SLC14A2: variants seen among roughly 807,000 people sequenced by gnomAD.
The protein encoded by SLC14A2 is urea transporter 2.
SLC14A2 carries 91 observed loss-of-function variants against 104.6 expected under a neutral mutation model. That is an observed-to-expected ratio of 0.87 (90% CI 0.73 to 1.04). The LOEUF (loss-of-function observed/expected upper bound fraction) is 1.04, where lower values mean the gene tolerates loss of function less well. SLC14A2 is among the 50% of genes least tolerant of loss of function. The probability of loss-of-function intolerance (pLI) is 0.00; values close to 1 mark genes in which losing one functional copy is unlikely to be tolerated. For missense variants in SLC14A2, 1,189 were observed against 1,156.0 expected, an observed-to-expected ratio of 1.03 and a Z score of -0.41; for synonymous variants, 476 against 466.4, an observed-to-expected ratio of 1.02 and a Z score of -0.27.
chr18:45,641,112 A>G, intron 7 of SLC14A2, 97 bp from the exon 8 acceptor site: 13 of 1,342,970 alleles, frequency 9.7e-6, no homozygotes, highest in Non-Finnish European at 1.2e-5. Flanking sequence ...GGGGTGAACA[A>G]CAGCATGGAG....
the SLC14A2 span, among the ~76,000 whole-genome samples, chr18:45,187,451 G>A: frequency 6.6e-6 from 1 of 152,138 alleles, no homozygotes; most frequent in African/African-American, 2.4e-5. Context: ...GAACAATAAA[G>A]GTTTTAATCT....
At position 45,641,089 on chromosome 18, in the gene SLC14A2, G is replaced by C. The variant is rs933635188; in HGVS notation, c.992-120G>C. 3.1e-6 allele frequency: 3 copies of C among 977,684 alleles called. No individual in the cohort carries two copies. The African/African-American group carries it at 4.8e-5, about 16-fold the overall frequency. 60.6% of individuals were successfully genotyped at this position (977,684 alleles called of 1,614,324 possible). A position where few individuals can be genotyped will look rare whatever the true frequency, so the allele number is the denominator to read the frequency against. On this transcript the variant is annotated intron_variant, in intron 7 of 19. Coordinates refer to ENST00000255226, the MANE Select transcript of SLC14A2 (RefSeq NM_007163.4). ...TTTGTAGAGGCTCTTTTGATGGGCA[G>C]GTTTGGAGATGTGGGGTGAACAACA...
At chr18:45,194,643 A>ATT in the SLC14A2 span, among the ~76,000 whole-genome samples, 64,021 of 108,728 alleles carry the variant, frequency 0.59, 20,417 homozygotes, top group East Asian at 0.78. Context: ...TTGGTCTGTA[A>ATT]TTTTTTTTTT....
chr18:45,299,953 G>A (rs1232072129), intron 1 of SLC14A2, among the ~76,000 whole-genome samples: 1 of 152,084 alleles, frequency 6.6e-6, no homozygotes, highest in African/African-American at 2.4e-5. Flanking sequence ...CATGCAAGGG[G>A]GTGATATTTT....
At chr18:45,186,486 T>C in the SLC14A2 span, among the ~76,000 whole-genome samples, 14 of 152,216 alleles carry the variant, frequency 9.2e-5, no homozygotes, top group African/African-American at 9.6e-5. Flanking sequence ...ATAAAACTTA[T>C]AGAAGAAAAC....
chr18:45,637,218 T>C lies in SLC14A2; in HGVS notation c.843+36T>C, dbSNP rs760056889. 1.9e-6 allele frequency: 3 copies of C among 1,563,644 alleles called. No homozygotes were observed. The Admixed American group carries it at 5.1e-5, about 27-fold the overall frequency. The stretch of plus-strand genomic sequence containing the variant: ...CAGCGGTGATGAGTTGAGACCCCCA[T>C]ATTCCACTGCAGACCTTCTCGCCAA... On this transcript the variant is annotated intron_variant, in intron 6 of 19. Transcript: ENST00000255226.
chr18:45,277,683 A>T (rs1568131921), intron 1 of SLC14A2, among the ~76,000 whole-genome samples: 1 of 152,248 alleles, frequency 6.6e-6, no homozygotes. Flanking sequence ...TGTTGGGCTT[A>T]CAGGCATGAG....
In SLC14A2 at chr18:45,236,131, A is replaced by G. The variant is rs1469821544; in HGVS notation, c.-125+22940A>G. On this transcript the variant is annotated intron_variant, in intron 1 of 20. Transcript: ENST00000586448. ...TGTGTATATATACATATATGTGTGTATATATGTATATATACATATATGTGT... is the reference window on the plus strand; with the variant it reads ...TGTGTATATATACATATATGTGTGTGTATATGTATATATACATATATGTGT... 3.5e-5 allele frequency among the ~76,000 whole-genome samples: 2 copies of G among 57,866 alleles called. 1 individual carries two copies. Among genetic ancestry groups the G allele is most frequent in the African/African-American group, 2.0e-4 (2 of 10,216 alleles). The allele number at this position is 57,866 out of a possible 152,430, so 38.0% of individuals were successfully genotyped here.
chr18:45,648,539 C>A (rs9959557), intron 10 of SLC14A2, among the ~76,000 whole-genome samples: 3,336 of 152,212 alleles, frequency 0.022, 121 homozygotes, highest in African/African-American at 0.077. Context: ...CCAACTTAAC[C>A]AGTATTAATA....
chr18:45,297,665 G>GA (rs35451159), intron 1 of SLC14A2, among the ~76,000 whole-genome samples: 55,075 of 150,328 alleles, frequency 0.37, 10,598 homozygotes, highest in African/African-American at 0.52. Flanking sequence ...TGGCTCACTG[G>GA]AAAAAAAAAA....
intron 1 of SLC14A2, among the ~76,000 whole-genome samples, chr18:45,425,877 G>T (rs1287406583): frequency 6.6e-6 from 1 of 151,794 alleles, no homozygotes; most frequent in African/African-American, 2.4e-5. Flanking sequence ...TTTTTTTAAA[G>T]GGAGGGGGTG....
At chr18:45,227,943 A>T (rs1258083379) in intron 1 of SLC14A2, among the ~76,000 whole-genome samples, 3 of 152,194 alleles carry the variant, frequency 2.0e-5, no homozygotes, top group Non-Finnish European at 4.4e-5. Flanking sequence ...CAGGAAAAAA[A>T]GGTTCTAAAT....
At chr18:45,567,569 T>C (rs1213536624) in intron 2 of SLC14A2, among the ~76,000 whole-genome samples, 1 of 152,114 alleles carries the variant, frequency 6.6e-6, no homozygotes, top group Non-Finnish European at 1.5e-5. Context: ...GTTATTTTAA[T>C]CTATTTCTGA....
chr18:45,582,703 T>C (rs2044511322), intron 2 of SLC14A2, among the ~76,000 whole-genome samples: 2 of 152,152 alleles, frequency 1.3e-5, no homozygotes, highest in African/African-American at 4.8e-5. Flanking sequence ...CCACCACCCT[T>C]TACTGCAATG....
Position 45,480,137 on chromosome 18 carries a change from T to C in SLC14A2, c.-124-3096T>C, listed in dbSNP as rs759757172. 4.6e-5 allele frequency among the ~76,000 whole-genome samples: 7 copies of C among 152,212 alleles called. No individual in the cohort carries two copies. The South Asian group carries it at 6.2e-4, about 14-fold the overall frequency. On this transcript the variant is annotated intron_variant, in intron 1 of 20. Transcript: ENST00000586448. Reference sequence around the variant, plus strand: ...AAAAGTATGTCTCAGACTATTCTTATGCCTTCCACATGAAGATATAATAGG... The same window carrying C: ...AAAAGTATGTCTCAGACTATTCTTACGCCTTCCACATGAAGATATAATAGG...
intron 2 of SLC14A2, among the ~76,000 whole-genome samples, chr18:45,517,805 T>C (rs2043462919): frequency 1.3e-5 from 2 of 152,178 alleles, no homozygotes; most frequent in African/African-American, 2.4e-5. Context: ...TAATCTCTCT[T>C]TCCCTGGGAG....
chr18:45,545,886 TA>T (rs1191999475), intron 2 of SLC14A2, among the ~76,000 whole-genome samples: 7 of 152,272 alleles, frequency 4.6e-5, no homozygotes, highest in Admixed American at 3.9e-4. Flanking sequence ...TTATGTGTAA[TA>T]TTTTTTAAAC....
chr18:45,480,776 C>T (rs2087477093), intron 1 of SLC14A2, among the ~76,000 whole-genome samples: 1 of 152,166 alleles, frequency 6.6e-6, no homozygotes, highest in Non-Finnish European at 1.5e-5. Context: ...ATGTCTGGTG[C>T]CCTGTCCAGA....
In SLC14A2 at chr18:45,259,965, A is replaced by AT. The variant is rs144786526; in HGVS notation, c.-125+46781dup. On this transcript the variant is annotated intron_variant, in intron 1 of 20. Coordinates refer to the SLC14A2 transcript ENST00000586448. ...TCTCAGATATGGTGCTAATGGAATG[A>AT]TTTTTTTGGTAGAGGGGGAATGGGA... is the stretch of plus-strand genomic sequence containing the variant. 7.0e-3 allele frequency among the ~76,000 whole-genome samples: 1,061 copies of AT among 152,188 alleles called. 6 individuals carry two copies. Among genetic ancestry groups the AT allele is most frequent in the Non-Finnish European group, 0.011 (721 of 67,986 alleles).
Sources: allele counts gnomAD v4.1 joint callset (sites outside exome capture counted in the v4.1 genomes callset), GRCh38; gene constraint gnomAD v4.1.1; transcripts MANE v1.5; gene names NCBI Gene and HGNC (gene_info 2026-07-23, HGNC 2026-07-21).